The following NSUN2 variants were observed in gnomAD, a reference collection of about 807,000 sequenced individuals.
The protein encoded by NSUN2 is NOP2/Sun RNA methyltransferase 2, also known as RNA cytosine C(5)-methyltransferase NSUN2.
NSUN2 carries 63 observed loss-of-function variants against 92.7 expected under a neutral mutation model. The ratio of observed to expected loss-of-function variants is 0.68; its 90% confidence interval spans 0.56 to 0.84. The LOEUF (loss-of-function observed/expected upper bound fraction) is 0.84, where lower values mean the gene tolerates loss of function less well. Among genes scored for constraint, NSUN2 ranks in the 40% least tolerant of loss-of-function variants. NSUN2 has a pLI of 0.00. For synonymous variants in NSUN2, 356 were observed against 348.3 expected (o/e 1.02, Z -0.25); for missense variants, 989 against 964.9 (o/e 1.02, Z -0.33).
At chr5:6,609,765 A>G in intron 12 of NSUN2, 61 bp downstream of exon 12, 1 of 1,320,544 alleles carries the variant, frequency 7.6e-7, no homozygotes, top group Non-Finnish European at 1.1e-6. Context: ...AACTCCGGTT[A>G]GTTTTTGTCT....
intron 4 of NSUN2, among the ~76,000 whole-genome samples, chr5:6,623,931 T>C (rs1034860089): frequency 1.3e-5 from 2 of 152,196 alleles, no homozygotes; most frequent in African/African-American, 4.8e-5. Context: ...CCTCCTGCCC[T>C]GCCCAGCACT....
At chr5:6,622,237 AT>A (rs1266509972) in intron 5 of NSUN2, 137 bp from the exon 6 acceptor site, 1 of 664,394 alleles carries the variant, frequency 1.5e-6, no homozygotes. Context: ...GCATGACATA[AT>A]TTACTTTTAG....
At chr5:6,631,765 A>C in intron 3 of NSUN2, 108 bp downstream of exon 3, 1 of 792,000 alleles carries the variant, frequency 1.3e-6, no homozygotes, top group Non-Finnish European at 2.1e-6. Flanking sequence ...ATGTTTGCAA[A>C]GTATACCCAA....
intron 18 of NSUN2, among the ~76,000 whole-genome samples, chr5:6,602,082 A>G (rs981444675): frequency 3.9e-5 from 6 of 152,232 alleles, no homozygotes; most frequent in African/African-American, 1.4e-4. Flanking sequence ...ATGCAGTAAC[A>G]TGTCAGCAAC....
Position 6,602,023 on chromosome 5 carries a change from C to T in NSUN2, c.1997+438G>A, listed in dbSNP as rs546065958. ...CGTGGAGCAGTGGTCCCGTGGGGAC[C>T]GTGAGTGCAAGCGTGAGCAAATCCC... On this transcript the variant is annotated intron_variant, in intron 18 of 18. Coordinates refer to ENST00000264670, the MANE Select transcript of NSUN2 (RefSeq NM_017755.6). Among the ~76,000 whole-genome samples, 18 of 151,782 alleles carry T rather than the reference C, an allele frequency of 1.2e-4. No individual in the cohort carries two copies. In the East Asian group the frequency reaches 3.1e-3, roughly 26 times the overall value.
intron 3 of NSUN2, 139 bp from the exon 4 acceptor site, chr5:6,625,808 A>C: frequency 1.6e-6 from 1 of 645,088 alleles, no homozygotes; most frequent in Middle Eastern, 3.6e-4. Context: ...TCCTCTACGG[A>C]CAGTCAGCAA....
intron 9 of NSUN2, among the ~76,000 whole-genome samples, chr5:6,615,317 A>C (rs1194135192): frequency 6.6e-6 from 1 of 152,212 alleles, no homozygotes; most frequent in African/African-American, 2.4e-5. Context: ...TGTGCTGCTC[A>C]AGCTGCCTGG....
At chr5:6,620,958 C>G (rs562539206) in intron 6 of NSUN2, 1 of 152,174 alleles carries the variant, frequency 6.6e-6, no homozygotes, top group Non-Finnish European at 1.5e-5. Flanking sequence ...GTGGAGAAAA[C>G]AACTAAAAAC....
At chr5:6,619,546 G>A (rs1421750939) in intron 7 of NSUN2, among the ~76,000 whole-genome samples, 1 of 152,082 alleles carries the variant, frequency 6.6e-6, no homozygotes, top group African/African-American at 2.4e-5. Flanking sequence ...TATACCATGA[G>A]TATTATTTTA....
chr5:6,608,118 G>C (rs1300647383), intron 12 of NSUN2, among the ~76,000 whole-genome samples: 2 of 152,240 alleles, frequency 1.3e-5, no homozygotes, highest in African/African-American at 2.4e-5. Context: ...CTACTGAGCA[G>C]AGAAGCCGGG....
Position 6,620,180 on chromosome 5 carries a change from G to C in NSUN2, c.741C>G (p.Pro247=). The change falls in exon 7 of 19, where the codon CCC becomes CCG. Residue 247 remains proline, a synonymous_variant. Transcript: ENST00000264670. The stretch of plus-strand genomic sequence containing the variant: ...TGCCGTCCACATCTATCTGGAGCCT[G>C]GGTATGCTGGAGGCATCATGGTTGA... The part of the protein sequence containing the change: ...MVVNHDASSI[P]RLQIDVDGRK... The C allele has an allele frequency of 6.2e-7, 1 of 1,613,096 alleles. No homozygotes were observed. Among genetic ancestry groups the C allele is most frequent in the Non-Finnish European group, 8.5e-7 (1 of 1,179,644 alleles).
chr5:6,623,187 CCCA>C (rs1453342097), intron 5 of NSUN2, 24 bp downstream of exon 5: 5 of 1,570,634 alleles, frequency 3.2e-6, no homozygotes, highest in Non-Finnish European at 4.3e-6. Context: ...GCTGCCCGCC[CCCA>C]CGTTTCTAGT....
At position 6,614,025 on chromosome 5, in the gene NSUN2, G is replaced by T. The variant is rs189716770; in HGVS notation, c.1022-2227C>A. Among the ~76,000 whole-genome samples the T allele has an allele frequency of 1.9e-3, 277 of 147,726 alleles. 3 individuals are homozygous for T. Among genetic ancestry groups the T allele is most frequent in the African/African-American group, 6.4e-3 (256 of 40,186 alleles). On this transcript the variant is annotated intron_variant, in intron 9 of 18. Coordinates refer to ENST00000264670, the MANE Select transcript of NSUN2 (RefSeq NM_017755.6). ...GGCAGGAGAATCACTTAACCCGGGA[G>T]ATGGAGGTTGCAGTGAGCCGAGATG...
intron 17 of NSUN2, 43 bp from the exon 18 acceptor site, chr5:6,602,543 G>C (rs1033883448): frequency 6.3e-7 from 1 of 1,579,414 alleles, no homozygotes; most frequent in African/African-American, 1.3e-5. Flanking sequence ...TTTCCAGGTA[G>C]TGGATGCATG....
intron 6 of NSUN2, chr5:6,621,134 T>G (rs1033858984): frequency 1.3e-5 from 2 of 152,112 alleles, no homozygotes; most frequent in African/African-American, 4.8e-5. Flanking sequence ...AACATCACGA[T>G]GGGTATTTGT....
At chr5:6,618,557 A>AC (rs1213158921) in intron 7 of NSUN2, among the ~76,000 whole-genome samples, 10 of 152,214 alleles carry the variant, frequency 6.6e-5, no homozygotes, top group African/African-American at 2.2e-4. Context: ...TGAAAAACTC[A>AC]GTTAATCAAC....
intron 5 of NSUN2, 54 bp downstream of exon 5, chr5:6,623,160 C>T: frequency 6.7e-7 from 1 of 1,483,634 alleles, no homozygotes; most frequent in Non-Finnish European, 9.1e-7. Flanking sequence ...AACAAACAGG[C>T]ATGACACTGG....
Position 6,604,120 on chromosome 5 carries a change from G to A in NSUN2, c.1957+18C>T. On this transcript the variant is annotated intron_variant, in intron 17 of 18. Transcript: ENST00000264670. ...AAGGGAATACAAGTTATGTCTCTAT[G>A]CATTTCCAACTACTCACCCAGGTCC... 2 of 1,608,384 alleles carry A rather than the reference G, an allele frequency of 1.2e-6. No homozygotes were observed. Among genetic ancestry groups the A allele is most frequent in the Non-Finnish European group, 1.7e-6 (2 of 1,177,708 alleles).
At chr5:6,615,551 A>G (rs926738793) in intron 9 of NSUN2, among the ~76,000 whole-genome samples, 3 of 152,244 alleles carry the variant, frequency 2.0e-5, no homozygotes, top group African/African-American at 7.2e-5. Flanking sequence ...ACATCTTTAC[A>G]GAGGTCTACA....
Sources: gnomAD v4.1 joint callset for allele counts (sites outside exome capture counted in the v4.1 genomes callset) on GRCh38, gnomAD v4.1.1 for gene constraint, MANE v1.5 for transcripts, NCBI Gene and HGNC (gene_info 2026-07-23, HGNC 2026-07-21) for gene names.